Variants in EFCAB6 observed in about 807,000 individuals in gnomAD.
EFCAB6 encodes EF-hand calcium binding domain 6, also known as EF-hand calcium-binding domain-containing protein 6.
A neutral mutation model predicts 169.8 loss-of-function variants in EFCAB6; 156 were observed. That is an observed-to-expected ratio of 0.92 (90% CI 0.81 to 1.05). EFCAB6 has a LOEUF of 1.05. EFCAB6 is among the 50% of genes least tolerant of loss of function. The pLI is 0.00. For synonymous variants in EFCAB6, 698 were observed against 676.4 expected (o/e 1.03, Z -0.50); for missense variants, 1,800 against 1,829.1 (o/e 0.98, Z 0.29).
Position 43,784,674 on chromosome 22 carries a change from TATACAC to T in EFCAB6, c.-7-2355_-7-2350del, listed in dbSNP as rs1279506242. 1.8e-4 allele frequency among the ~76,000 whole-genome samples: 9 copies of T among 49,636 alleles called. 1 individual carries two copies. The highest frequency in any genetic ancestry group is 3.0e-4 in the Non-Finnish European group (8 of 26,688). 32.6% of individuals were successfully genotyped at this position (49,636 alleles called of 152,430 possible). On this transcript the variant is annotated intron_variant, in intron 2 of 31. Transcript: ENST00000262726. ...ATATGTGTATATATACATATACATA[TATACAC>T]ACACACACACACACACACACACACA...
chr22:43,554,894 C>T lies in EFCAB6; in HGVS notation c.3623G>A (p.Arg1208His), dbSNP rs144440757. The change falls in exon 27 of 32, where the codon CGC becomes CAC. Residue 1208 changes from arginine (R) to histidine (H), a missense_variant. By Grantham distance (29) the Arg-to-His change is conservative (BLOSUM62 0). Transcript: ENST00000262726. Reference sequence around the variant, plus strand: ...CTGTTCGTCCGTCAGGATTTGGACGCGGCGATTACAAATGGCCCTAAACTC... The same window carrying T: ...CTGTTCGTCCGTCAGGATTTGGACGTGGCGATTACAAATGGCCCTAAACTC... ...REEFRAICNR[R>H]VQILTDEQFD... 2.7e-5 allele frequency: 44 copies of T among 1,614,176 alleles called. No individual in the cohort carries two copies. The Middle Eastern group carries it at 1.8e-3, about 67-fold the overall frequency.
chr22:43,697,512 C>A (rs1289556893), intron 10 of EFCAB6, among the ~76,000 whole-genome samples: 1 of 151,448 alleles, frequency 6.6e-6, no homozygotes, highest in African/African-American at 2.4e-5. Context: ...TCTTTTTTTT[C>A]CTTTATAGTT....
chr22:43,599,000 A>G (rs890154648), intron 23 of EFCAB6, among the ~76,000 whole-genome samples: 1 of 152,230 alleles, frequency 6.6e-6, no homozygotes, highest in African/African-American at 2.4e-5. Context: ...ATCCAAATCC[A>G]GTGGGGTACC....
At chr22:43,706,920 A>G (rs1378447145) in intron 10 of EFCAB6, among the ~76,000 whole-genome samples, 2 of 152,260 alleles carry the variant, frequency 1.3e-5, no homozygotes, top group Non-Finnish European at 2.9e-5. Flanking sequence ...ACTGGAATAA[A>G]TCTATCAACA....
At chr22:43,730,276 G>GAGGGAAGGAGGGGAGGGAGGGA (rs2059900301) in intron 8 of EFCAB6, among the ~76,000 whole-genome samples, 4 of 92,294 alleles carry the variant, frequency 4.3e-5, no homozygotes, top group African/African-American at 7.7e-5. Context: ...GCGAGGGAGG[G>GAGGGAAGGAGGGGAGGGAGGGA]AGGGATGGAG....
At chr22:43,586,078 G>A (rs752216049) in intron 24 of EFCAB6, among the ~76,000 whole-genome samples, 12 of 152,264 alleles carry the variant, frequency 7.9e-5, no homozygotes, top group Non-Finnish European at 1.2e-4. Flanking sequence ...GAAGGGTGTC[G>A]GAGAAGGAAT....
chr22:43,593,346 C>T lies in EFCAB6; in HGVS notation c.2877-3117G>A, dbSNP rs962883897. Among the ~76,000 whole-genome samples the T allele has an allele frequency of 7.9e-5, 12 of 152,092 alleles. No homozygotes were observed. In the East Asian group the frequency reaches 1.2e-3, roughly 15 times the overall value. The stretch of plus-strand genomic sequence containing the variant: ...TTCTTTTAGCTGCATGCCCATGCTC[C>T]GTGTGGAACAGAGGCACAGGCAGAG... On this transcript the variant is annotated intron_variant, in intron 23 of 31. Coordinates refer to ENST00000262726, the MANE Select transcript of EFCAB6 (RefSeq NM_022785.4).
intron 21 of EFCAB6, among the ~76,000 whole-genome samples, chr22:43,612,757 G>C (rs1237721609): frequency 6.6e-6 from 1 of 152,084 alleles, no homozygotes; most frequent in African/African-American, 2.4e-5. Context: ...AGCCAGGCAT[G>C]GTGGCATGCA....
At chr22:43,717,182 G>A (rs540663599) in intron 8 of EFCAB6, among the ~76,000 whole-genome samples, 1 of 151,990 alleles carries the variant, frequency 6.6e-6, no homozygotes, top group South Asian at 2.1e-4. Flanking sequence ...CTTACTCTAG[G>A]ATAAACACTA....
intron 20 of EFCAB6, among the ~76,000 whole-genome samples, chr22:43,623,653 T>C (rs1306912971): frequency 6.8e-6 from 1 of 148,106 alleles, no homozygotes; most frequent in Non-Finnish European, 1.5e-5. Context: ...CCCAGCACTT[T>C]GGGAGGCCAA....
intron 31 of EFCAB6, among the ~76,000 whole-genome samples, chr22:43,529,389 CTGTGA>C (rs1374372524): frequency 6.6e-6 from 1 of 152,176 alleles, no homozygotes; most frequent in Non-Finnish European, 1.5e-5. Context: ...CAGAGAGTTG[CTGTGA>C]TAAGACCGTA....
At chr22:43,673,943 G>A (rs2057608233) in intron 13 of EFCAB6, among the ~76,000 whole-genome samples, 1 of 151,128 alleles carries the variant, frequency 6.6e-6, no homozygotes, top group South Asian at 2.1e-4. Context: ...CTCCAGCCTG[G>A]GTGACACAGC....
At chr22:43,810,937 T>A (rs1384898723) in intron 1 of EFCAB6, among the ~76,000 whole-genome samples, 1 of 152,128 alleles carries the variant, frequency 6.6e-6, no homozygotes, top group Non-Finnish European at 1.5e-5. Flanking sequence ...TTTGCTGAAT[T>A]GAAGGCAATG....
intron 3 of EFCAB6, among the ~76,000 whole-genome samples, chr22:43,780,670 A>G (rs777104334): frequency 1.4e-4 from 21 of 152,074 alleles, no homozygotes; most frequent in Non-Finnish European, 2.1e-4. Context: ...GATGTCAGAA[A>G]CTACTAAGCT....
Position 43,601,272 on chromosome 22 carries a change from C to T in EFCAB6, c.2682-1009G>A, listed in dbSNP as rs573151341. Among the ~76,000 whole-genome samples the T allele has an allele frequency of 5.3e-5, 8 of 152,262 alleles. No homozygotes were observed. The East Asian group carries it at 1.5e-3, about 29-fold the overall frequency. On this transcript the variant is annotated intron_variant, in intron 22 of 31. Transcript: ENST00000262726. ...ATAATGGAGGGTTTTTATCTCCCAA[C>T]GTTATTCAAATAGAATAGAATTACT...
intron 26 of EFCAB6, among the ~76,000 whole-genome samples, chr22:43,568,602 GA>G (rs1370329106): frequency 6.6e-6 from 1 of 152,122 alleles, no homozygotes; most frequent in African/African-American, 2.4e-5. Flanking sequence ...AATGAGGCGG[GA>G]GTGCTCTGAG....
chr22:43,787,352 G>GCA (rs61585162), intron 2 of EFCAB6, among the ~76,000 whole-genome samples: 3,026 of 146,822 alleles, frequency 0.021, 64 homozygotes, highest in African/African-American at 0.039. Flanking sequence ...ACACACATAT[G>GCA]CACACACACA....
chr22:43,590,790 C>T (rs929029522), intron 23 of EFCAB6, among the ~76,000 whole-genome samples: 11 of 148,564 alleles, frequency 7.4e-5, no homozygotes, highest in African/African-American at 2.5e-4. Flanking sequence ...TGTAGGTTTA[C>T]ATGCACTTTG....
At chr22:43,618,718 G>A (rs1382103543) in intron 20 of EFCAB6, among the ~76,000 whole-genome samples, 5 of 152,142 alleles carry the variant, frequency 3.3e-5, no homozygotes, top group Non-Finnish European at 7.3e-5. Context: ...GGGCCTCTTC[G>A]GGACAGAGTG....
Sources: gnomAD v4.1 joint callset for allele counts (sites outside exome capture counted in the v4.1 genomes callset) on GRCh38, gnomAD v4.1.1 for gene constraint, MANE v1.5 for transcripts, NCBI Gene and HGNC (gene_info 2026-07-23, HGNC 2026-07-21) for gene names.